Variants in ZNF282 observed in about 807,000 individuals in gnomAD.
The protein encoded by ZNF282 is HTLV-I U5 repressive element-binding protein 1.
ZNF282 carries 30 observed loss-of-function variants against 61.9 expected under a neutral mutation model. That is an observed-to-expected ratio of 0.48 (90% CI 0.36 to 0.66). The LOEUF is 0.66. ZNF282 is among the 30% of genes least tolerant of loss of function. The pLI, the probability that ZNF282 is intolerant of heterozygous loss-of-function variation, is 0.00. For missense variants in ZNF282, 788 were observed against 941.4 expected, an observed-to-expected ratio of 0.84 and a Z score of 2.13; for synonymous variants, 396 against 405.0, an observed-to-expected ratio of 0.98 and a Z score of 0.27.
At chr7:149,220,502 C>T (rs1284408467) in intron 7 of ZNF282, among the ~76,000 whole-genome samples, 1 of 152,170 alleles carries the variant, frequency 6.6e-6, no homozygotes, top group Non-Finnish European at 1.5e-5. Flanking sequence ...GATTCAAAGA[C>T]TCAGCATGTT....
Position 149,195,688 on chromosome 7 carries a change from G to A in ZNF282, c.99G>A (p.Pro33=). The A allele has an allele frequency of 6.3e-7, 1 of 1,577,116 alleles. No homozygotes were observed. Among genetic ancestry groups the A allele is most frequent in the Non-Finnish European group, 8.6e-7 (1 of 1,163,498 alleles). The change falls in exon 1 of 8, where the codon CCG becomes CCA. Residue 33 remains proline (P), a synonymous_variant. Coordinates refer to ENST00000610704, the MANE Select transcript of ZNF282 (RefSeq NM_003575.4). The part of the protein sequence containing the change: ...GSWSWAQALP[P]EEVCHQEPAL... ...GGAGCTGGGCCCAGGCTCTGCCCCC[G>A]GAGGAGGTCTGCCACCAGGAGCCGG...
chr7:149,210,656 G>A lies in ZNF282; in HGVS notation c.904G>A (p.Gly302Ser), dbSNP rs1361982194. 8.1e-6 allele frequency: 13 copies of A among 1,610,922 alleles called. No homozygotes were observed. The East Asian group carries it at 1.3e-4, about 17-fold the overall frequency. The change falls in exon 5 of 8, where the codon GGT (glycine) becomes AGT (serine). Residue 302 changes from glycine to serine, a missense_variant. Physicochemically the swap from Gly to Ser is moderately conservative, Grantham distance 56 (BLOSUM62 0). This residue lies in a region of ZNF282 where 559 missense variants were observed against 642.0 expected (regional missense o/e 0.87). Transcript: ENST00000610704. ...VKREDTLCVRGQRGLEERAIP... is the reference protein window; with the variant it reads ...VKREDTLCVRSQRGLEERAIP... ...GCGTGAGGACACCCTGTGTGTCCGGGGTCAGCGGGGCCTGGAGGAAAGAGC... is the reference window on the plus strand; with the variant it reads ...GCGTGAGGACACCCTGTGTGTCCGGAGTCAGCGGGGCCTGGAGGAAAGAGC...
intron 2 of ZNF282, among the ~76,000 whole-genome samples, chr7:149,202,749 C>T (rs1404508980): frequency 6.6e-6 from 1 of 152,200 alleles, no homozygotes; most frequent in African/African-American, 2.4e-5. Context: ...CTGCACCTGG[C>T]CTTATGATAT....
Position 149,206,735 on chromosome 7 carries a change from G to A in ZNF282, c.625G>A (p.Glu209Lys), listed in dbSNP as rs1795995812. ...TGTCGACATTGCTGTGTACTTCTCC[G>A]AAGACGAGTGGAAGAACTTGGACGA... ...TFVDIAVYFS[E>K]DEWKNLDEWQ... is the part of the protein sequence containing the mutation. The change falls in exon 3 of 8, where the codon GAA becomes AAA. Residue 209 changes from glutamate to lysine, a missense_variant. Physicochemically the swap from Glu to Lys is moderately conservative, Grantham distance 56. Around this residue, in one of 3 missense-constraint regions of ZNF282, gnomAD observed 92 missense variants for 163.9 expected, o/e 0.56. Coordinates refer to ENST00000610704, the MANE Select transcript of ZNF282 (RefSeq NM_003575.4). The A allele has an allele frequency of 8.1e-6, 13 of 1,614,160 alleles. No homozygotes were observed. Among genetic ancestry groups the A allele is most frequent in the South Asian group, 2.2e-5 (2 of 91,080 alleles).
chr7:149,206,843 C>T (rs1191522366), intron 3 of ZNF282, 21 bp downstream of exon 3: 1 of 1,613,450 alleles, frequency 6.2e-7, no homozygotes, highest in African/African-American at 1.3e-5. Context: ...CTTCTCTCCT[C>T]TTTGGTGAGC....
At chr7:149,221,005 G>C (rs946672785) in intron 7 of ZNF282, among the ~76,000 whole-genome samples, 3 of 149,882 alleles carry the variant, frequency 2.0e-5, no homozygotes, top group African/African-American at 7.5e-5. Flanking sequence ...CCGCAGCCTC[G>C]ACCTCTCAGG....
intron 3 of ZNF282, 127 bp downstream of exon 3, chr7:149,206,949 C>T: frequency 1.5e-6 from 2 of 1,335,346 alleles, no homozygotes; most frequent in South Asian, 2.8e-5. Context: ...CTCAGGAAAC[C>T]ATTTGCTTAT....
At position 149,224,724 on chromosome 7, in the gene ZNF282, C is replaced by T; in HGVS notation, c.*77C>T. 2.1e-6 allele frequency: 3 copies of T among 1,439,882 alleles called. No homozygotes were observed. Among genetic ancestry groups the T allele is most frequent in the South Asian group, 1.5e-5 (1 of 68,222 alleles). 89.2% of individuals were successfully genotyped at this position (1,439,882 alleles called of 1,614,324 possible). On this transcript the variant is annotated 3_prime_UTR_variant, in exon 8 of 8. Coordinates refer to ENST00000610704, the MANE Select transcript of ZNF282 (RefSeq NM_003575.4). Reference sequence around the variant, plus strand: ...AGCACCAACCACCTTGCCGGGTGTCCTCAGCCACCGTCTGGAAATCGGCAA... The same window carrying T: ...AGCACCAACCACCTTGCCGGGTGTCTTCAGCCACCGTCTGGAAATCGGCAA...
chr7:149,198,652 G>C lies in ZNF282; in HGVS notation c.485G>C (p.Gly162Ala). 6.2e-7 allele frequency: 1 copy of C among 1,614,120 alleles called. No homozygotes were observed. The highest frequency in any genetic ancestry group is 8.5e-7 in the Non-Finnish European group (1 of 1,180,042). The change falls in exon 2 of 8, where the codon GGG (glycine) becomes GCG (alanine). Residue 162 changes from glycine (G) to alanine (A), a missense_variant. Coordinates refer to ENST00000610704, the MANE Select transcript of ZNF282 (RefSeq NM_003575.4). The surrounding 1 kb of genome is among the most constrained non-coding windows in gnomAD (Gnocchi z 4.3). ...AVLGTLLQEY[G>A]LLQRRLENLE... is the part of the protein sequence containing the mutation. ...CTGGGGACCCTGCTGCAGGAGTACG[G>C]GCTGCTGCAGAGGCGGCTGGAGAAC...
chr7:149,209,124 C>T (rs575361475), intron 4 of ZNF282, among the ~76,000 whole-genome samples: 3 of 151,820 alleles, frequency 2.0e-5, no homozygotes, highest in African/African-American at 7.2e-5. Context: ...CGAGAGCATC[C>T]TGGCTAACAC....
rs780678027 is a variant in ZNF282 at position 149,213,814 on chromosome 7, A to G, written c.1180A>G (p.Ser394Gly). 1 of 1,611,280 alleles carries G rather than the reference A, an allele frequency of 6.2e-7. No homozygotes were observed. Among genetic ancestry groups the G allele is most frequent in the East Asian group, 2.2e-5 (1 of 44,844 alleles). Residue 394 changes from serine to glycine, a missense_variant and splice_region_variant, in exon 7 of 8, where the codon AGT becomes GGT. By Grantham distance (56) the Ser-to-Gly change is moderately conservative. This residue lies in a region of ZNF282 where 559 missense variants were observed against 642.0 expected (regional missense o/e 0.87). Transcript: ENST00000610704. ...AGAGCTTGGATTAGACTCTGGCCCT[A>G]GTGAGTAACGTCCCCACCTAGACCC... is the stretch of plus-strand genomic sequence containing the variant. ...DGELGLDSGP[S>G]DSLLMVKNPP...
intron 7 of ZNF282, among the ~76,000 whole-genome samples, chr7:149,221,755 G>C (rs1029781551): frequency 6.6e-6 from 1 of 152,114 alleles, no homozygotes; most frequent in African/African-American, 2.4e-5. Flanking sequence ...GAGACAGAGA[G>C]GGAGGGCAGG....
chr7:149,195,758 G>C lies in ZNF282; in HGVS notation c.165+4G>C. On this transcript the variant is annotated splice_donor_region_variant and intron_variant, in intron 1 of 7. Coordinates refer to ENST00000610704, the MANE Select transcript of ZNF282 (RefSeq NM_003575.4). ...CGAGGGAATGCCGCCCATGCAGGTGGGAGAACCCCGCCGGCGCCATGGCCG... is the reference window on the plus strand; with the variant it reads ...CGAGGGAATGCCGCCCATGCAGGTGCGAGAACCCCGCCGGCGCCATGGCCG... The C allele has an allele frequency of 6.7e-7, 1 of 1,497,890 alleles. No individual in the cohort carries two copies. The highest frequency in any genetic ancestry group is 8.9e-7 in the Non-Finnish European group (1 of 1,126,190). The allele number at this position is 1,497,890 out of a possible 1,614,324, so 92.8% of individuals were successfully genotyped here.
At chr7:149,205,783 G>A (rs1163035277) in intron 2 of ZNF282, among the ~76,000 whole-genome samples, 1 of 152,178 alleles carries the variant, frequency 6.6e-6, no homozygotes, top group African/African-American at 2.4e-5. Context: ...AGCCAGCTTT[G>A]GCCCTGTAAA....
intron 5 of ZNF282, 62 bp downstream of exon 5, chr7:149,210,766 G>A: frequency 6.8e-6 from 10 of 1,468,084 alleles, no homozygotes; most frequent in Non-Finnish European, 9.0e-6. Context: ...GGTTAGCATG[G>A]TCTGCCAGCC....
chr7:149,204,483 A>T (rs993152387), intron 2 of ZNF282, among the ~76,000 whole-genome samples: 2 of 152,106 alleles, frequency 1.3e-5, no homozygotes, highest in Non-Finnish European at 2.9e-5. Flanking sequence ...GGTTGGAATG[A>T]CCCTGAAGGA....
At chr7:149,200,470 A>C (rs1795890307) in intron 2 of ZNF282, among the ~76,000 whole-genome samples, 1 of 152,058 alleles carries the variant, frequency 6.6e-6, no homozygotes, top group East Asian at 1.9e-4. Flanking sequence ...ATTGTTTGCC[A>C]ATTTTGCCTC....
chr7:149,224,201 GGCAAGAGCTTCGGCGTGC>G lies in ZNF282; in HGVS notation c.1579_1596del (p.Phe527_Ser532del). 6.2e-7 allele frequency: 1 copy of G among 1,607,072 alleles called. No homozygotes were observed. The highest frequency in any genetic ancestry group is 1.1e-5 in the South Asian group (1 of 91,058). On this transcript the variant is annotated inframe_deletion, in exon 8 of 8. Coordinates refer to ENST00000610704, the MANE Select transcript of ZNF282 (RefSeq NM_003575.4). ...CAAGCCCTACTCGTGCCCCGAGTGC[GGCAAGAGCTTCGGCGTGC>G]GCAAGAGCCTCATCATCCACCACCG...
At chr7:149,209,581 A>G (rs1484469181) in intron 4 of ZNF282, among the ~76,000 whole-genome samples, 2 of 152,224 alleles carry the variant, frequency 1.3e-5, no homozygotes, top group Non-Finnish European at 2.9e-5. Flanking sequence ...TTATCAAACC[A>G]TCACTGAGCA....
Sources: gnomAD v4.1 joint callset for allele counts (sites outside exome capture counted in the v4.1 genomes callset) on GRCh38, gnomAD v4.1.1 for gene constraint, gnomAD v4.1.1 regional missense constraint, Gnocchi (gnomAD v3.1) non-coding constraint, MANE v1.5 for transcripts, NCBI Gene and HGNC (gene_info 2026-07-23, HGNC 2026-07-21) for gene names.